Variants in DPF3 observed in about 807,000 individuals in gnomAD.
DPF3 encodes the protein double PHD fingers 3.
In DPF3, 18 loss-of-function variants were observed where a neutral mutation model predicts 56.8. The ratio of observed to expected loss-of-function variants is 0.32; its 90% confidence interval spans 0.22 to 0.47. The LOEUF (loss-of-function observed/expected upper bound fraction) is 0.47. Ranked by LOEUF, DPF3 falls within the 20% of genes least tolerant of loss-of-function variation. The pLI, the probability that DPF3 is intolerant of heterozygous loss-of-function variation, is 1.00. For missense variants in DPF3, 403 were observed against 488.8 expected, an observed-to-expected ratio of 0.82 and a Z score of 1.65; for synonymous variants, 188 against 180.2, an observed-to-expected ratio of 1.04 and a Z score of -0.35.
chr14:72,752,250 C>G (rs1890609401), intron 3 of DPF3, among the ~76,000 whole-genome samples: 1 of 152,172 alleles, frequency 6.6e-6, no homozygotes, highest in South Asian at 2.1e-4. Flanking sequence ...GAGTCACATC[C>G]CAGCCTGGCA....
intron 1 of DPF3, among the ~76,000 whole-genome samples, chr14:72,774,698 G>A (rs1891682971): frequency 6.6e-6 from 1 of 152,110 alleles, no homozygotes; most frequent in Non-Finnish European, 1.5e-5. Context: ...ATTCATAAGG[G>A]AGGCATAATA....
At chr14:72,745,940 A>T (rs1164339954) in intron 3 of DPF3, among the ~76,000 whole-genome samples, 1 of 152,226 alleles carries the variant, frequency 6.6e-6, no homozygotes, top group African/African-American at 2.4e-5. Context: ...TCAAGTGGAA[A>T]CTGCATTTTA....
chr14:72,807,743 A>C (rs979965134), intron 1 of DPF3, among the ~76,000 whole-genome samples: 24 of 152,142 alleles, frequency 1.6e-4, no homozygotes, highest in Non-Finnish European at 4.4e-5. Flanking sequence ...CCGCCAAGAG[A>C]CAGGGTTTTG....
At chr14:72,778,663 T>G (rs951729606) in intron 1 of DPF3, among the ~76,000 whole-genome samples, 3 of 152,174 alleles carry the variant, frequency 2.0e-5, no homozygotes, top group African/African-American at 7.2e-5. Context: ...CCAGAAAGGT[T>G]GGGGACTTCC....
intron 1 of DPF3, among the ~76,000 whole-genome samples, chr14:72,863,118 ATGTGTG>A (rs59855191): frequency 6.0e-5 from 7 of 116,240 alleles, no homozygotes; most frequent in African/African-American, 2.2e-4. Flanking sequence ...GTATACATAT[ATGTGTG>A]TGTGTGTGTG....
At chr14:72,820,021 G>C (rs1045669378) in intron 1 of DPF3, among the ~76,000 whole-genome samples, 1 of 152,126 alleles carries the variant, frequency 6.6e-6, no homozygotes, top group African/African-American at 2.4e-5. Flanking sequence ...GTTACAGAGA[G>C]GGGGTGAGTA....
rs10522943 is a variant in DPF3 at position 72,853,034 on chromosome 14, C to CGTGTGT, written c.32+41017_32+41022dup. ...CAACAACTATTCTGCCATAGCCTTGCGTGTGTGTGTGTGTATGTGTGTGTG... is the reference window on the plus strand; with the variant it reads ...CAACAACTATTCTGCCATAGCCTTGCGTGTGTGTGTGTGTGTGTGTATGTGTGTGTG... On this transcript the variant is annotated intron_variant, in intron 1 of 10. Transcript: ENST00000556509. Among the ~76,000 whole-genome samples, 1,046 of 144,102 alleles carry CGTGTGT rather than the reference C, an allele frequency of 7.3e-3. 14 individuals carry two copies. Among genetic ancestry groups the CGTGTGT allele is most frequent in the African/African-American group, 0.022 (879 of 39,638 alleles). 94.5% of individuals were successfully genotyped at this position (144,102 alleles called of 152,430 possible). A position where few individuals can be genotyped will look rare whatever the true frequency, so the allele number is the denominator to read the frequency against.
intron 1 of DPF3, among the ~76,000 whole-genome samples, chr14:72,861,606 T>C (rs1185296125): frequency 6.6e-6 from 1 of 152,064 alleles, no homozygotes; most frequent in Non-Finnish European, 1.5e-5. Context: ...CATTTAGCCA[T>C]GTTTGGCTAA....
At chr14:72,796,831 C>T (rs1478354633) in intron 1 of DPF3, among the ~76,000 whole-genome samples, 1 of 152,028 alleles carries the variant, frequency 6.6e-6, no homozygotes, top group Admixed American at 6.6e-5. Context: ...TCTGGAATCA[C>T]CGCAGACGAT....
chr14:72,862,090 C>T (rs1885461215), intron 1 of DPF3, among the ~76,000 whole-genome samples: 1 of 152,134 alleles, frequency 6.6e-6, no homozygotes, highest in African/African-American at 2.4e-5. Flanking sequence ...GAATTGAATC[C>T]CAATGTGCTT....
intron 3 of DPF3, among the ~76,000 whole-genome samples, chr14:72,741,160 T>C (rs1036972218): frequency 6.6e-6 from 1 of 152,216 alleles, no homozygotes; most frequent in Admixed American, 6.5e-5. Flanking sequence ...AAATTCATTT[T>C]CGGTGTTGGG....
At chr14:72,790,878 C>T (rs1363452316) in intron 1 of DPF3, among the ~76,000 whole-genome samples, 1 of 152,198 alleles carries the variant, frequency 6.6e-6, no homozygotes, top group Non-Finnish European at 1.5e-5. Flanking sequence ...CCTCCAGATT[C>T]TCTCTCTGCC....
chr14:72,792,529 C>T (rs1469407779), intron 1 of DPF3, among the ~76,000 whole-genome samples: 3 of 152,150 alleles, frequency 2.0e-5, no homozygotes, highest in Admixed American at 2.0e-4. Flanking sequence ...CACAGCGCTT[C>T]CCCCACACAG....
intron 8 of DPF3, among the ~76,000 whole-genome samples, chr14:72,632,608 A>AAAGG (rs751348804): frequency 6.8e-6 from 1 of 147,296 alleles, no homozygotes; most frequent in South Asian, 2.3e-4. Context: ...GGGAAGGAAG[A>AAAGG]AAGGAAGGAA....
At chr14:72,824,910 T>G (rs1217090257) in intron 1 of DPF3, among the ~76,000 whole-genome samples, 1 of 151,660 alleles carries the variant, frequency 6.6e-6, no homozygotes, top group African/African-American at 2.4e-5. Context: ...TTTTTTGAGA[T>G]GGAGTCTCAC....
At chr14:72,762,229 G>A (rs185746666) in intron 2 of DPF3, among the ~76,000 whole-genome samples, 127 of 151,854 alleles carry the variant, frequency 8.4e-4, no homozygotes, top group Non-Finnish European at 1.5e-3. Context: ...AAACCAGACA[G>A]ACATTACAAG....
intron 8 of DPF3, among the ~76,000 whole-genome samples, chr14:72,663,883 C>T (rs1395750853): frequency 2.0e-5 from 3 of 152,142 alleles, no homozygotes; most frequent in Admixed American, 2.0e-4. Context: ...AAGCATCACT[C>T]AATGGCCAGG....
chr14:72,816,641 GA>G lies in DPF3; in HGVS notation c.33-44749del, dbSNP rs371902823. ...TATCCTGATACATCAGGCATAAATG[GA>G]AAAAAAAAAAAGGAAGTAGTATGTA... is the stretch of plus-strand genomic sequence containing the variant. On this transcript the variant is annotated intron_variant, in intron 1 of 10. Transcript: ENST00000556509. Among the ~76,000 whole-genome samples, 580 of 137,632 alleles carry G rather than the reference GA, an allele frequency of 4.2e-3. 5 individuals are homozygous for G. Among genetic ancestry groups the G allele is most frequent in the African/African-American group, 0.012 (459 of 37,884 alleles). The allele number at this position is 137,632 out of a possible 152,430, so 90.3% of individuals were successfully genotyped here.
At chr14:72,791,834 T>C (rs1456073993) in intron 1 of DPF3, among the ~76,000 whole-genome samples, 1 of 151,678 alleles carries the variant, frequency 6.6e-6, no homozygotes, top group African/African-American at 2.4e-5. Context: ...AAGGCCTTAA[T>C]TCCCCACCAG....
Sources: gnomAD v4.1 joint callset for allele counts (sites outside exome capture counted in the v4.1 genomes callset) on GRCh38, gnomAD v4.1.1 for gene constraint, MANE v1.5 for transcripts, NCBI Gene and HGNC (gene_info 2026-07-23, HGNC 2026-07-21) for gene names.